SCRT2: variants seen among roughly 807,000 people sequenced by gnomAD.
The protein encoded by SCRT2 is scratch family transcriptional repressor 2, also known as transcriptional repressor scratch 2.
Under a neutral mutation model 3.7 loss-of-function variants are expected in SCRT2, and 2 were observed. The observed-to-expected ratio is 0.54, with a 90% confidence interval of 0.22 to 1.70. The LOEUF is 1.70. Ranked by LOEUF, SCRT2 falls within the 40% of genes most tolerant of loss-of-function variation. SCRT2 has a pLI of 0.19. For synonymous variants in SCRT2, 256 were observed against 220.6 expected (o/e 1.16, Z -1.42); for missense variants, 456 against 468.5 (o/e 0.97, Z 0.25).
rs1644807174 is a variant in SCRT2, at chr20:664,471, GC to G, written c.134-11del. ...CGGTGCGGGGCGTACCCTGGAGGGGGCGAGAAGTGGAGGGGCGGTGAGAGGA... is the reference window on the plus strand; with the variant it reads ...CGGTGCGGGGCGTACCCTGGAGGGGGGAGAAGTGGAGGGGCGGTGAGAGGA... On this transcript the variant is annotated splice_polypyrimidine_tract_variant and intron_variant, in intron 1 of 1. Transcript: ENST00000246104. This position sits in a 1 kb window ranked among gnomAD's most constrained non-coding sequence, Gnocchi z 7.9. The G allele has an allele frequency of 8.0e-7, 1 of 1,246,104 alleles. No individual in the cohort carries two copies. The highest frequency in any genetic ancestry group is 1.5e-5 in the African/African-American group (1 of 64,688). 77.2% of individuals were successfully genotyped at this position (1,246,104 alleles called of 1,614,324 possible).
At chr20:671,191 A>G (rs1984320125) in intron 1 of SCRT2, among the ~76,000 whole-genome samples, 1 of 152,212 alleles carries the variant, frequency 6.6e-6, no homozygotes, top group African/African-American at 2.4e-5. Context: ...GAAATTGGAC[A>G]TGGATTTGTC....
intron 1 of SCRT2, among the ~76,000 whole-genome samples, chr20:672,661 A>G (rs540404557): frequency 1.5e-4 from 23 of 150,524 alleles, no homozygotes; most frequent in African/African-American, 4.9e-4. Context: ...AGCTGCAGGA[A>G]TGGCTTGTAA....
intron 1 of SCRT2, among the ~76,000 whole-genome samples, chr20:669,574 C>T (rs554682054): frequency 7.2e-5 from 11 of 152,290 alleles, no homozygotes; most frequent in African/African-American, 1.7e-4. Flanking sequence ...GCTTCCCCGG[C>T]GGCCCACTTT....
chr20:672,317 C>A (rs1984359510), intron 1 of SCRT2, among the ~76,000 whole-genome samples: 1 of 152,036 alleles, frequency 6.6e-6, no homozygotes, highest in South Asian at 2.1e-4. Flanking sequence ...CACAGACAGA[C>A]TTGCTGCACC....
At chr20:669,236 A>G (rs567571958) in intron 1 of SCRT2, among the ~76,000 whole-genome samples, 37 of 152,300 alleles carry the variant, frequency 2.4e-4, no homozygotes, top group African/African-American at 8.4e-4. Flanking sequence ...AGTAATGCCT[A>G]TCACTTACTG....
In SCRT2 at chr20:662,168, G is replaced by A. The variant is rs1444205187; in HGVS notation, c.*1503C>T. On this transcript the variant is annotated 3_prime_UTR_variant, in exon 2 of 2. Coordinates refer to ENST00000246104, the MANE Select transcript of SCRT2 (RefSeq NM_033129.4). ...GGCTGGCAGCCCGGCCCCTCTGTCC[G>A]GGAGAGTTGCATAGACATGGCCGGG... 2.6e-5 allele frequency: 4 copies of A among 152,836 alleles called. No individual in the cohort carries two copies. Among genetic ancestry groups the A allele is most frequent in the Admixed American group, 2.6e-4 (4 of 15,292 alleles). The allele number at this position is 152,836 out of a possible 1,614,324, so 9.5% of individuals were successfully genotyped here. A position where few individuals can be genotyped will look rare whatever the true frequency, so the allele number is the denominator to read the frequency against.
Position 665,361 on chromosome 20 carries a change from G to A in SCRT2, c.134-900C>T, listed in dbSNP as rs1311926064. ...CCAGGGTTGCTGAAGCATTTAACAG[G>A]GGTCAAGTGTGTGGCATGTAATAGG... On this transcript the variant is annotated intron_variant, in intron 1 of 1. Coordinates refer to ENST00000246104, the MANE Select transcript of SCRT2 (RefSeq NM_033129.4). This position sits in a 1 kb window ranked among gnomAD's most constrained non-coding sequence, Gnocchi z 5.0. Among the ~76,000 whole-genome samples the A allele has an allele frequency of 6.6e-6, 1 of 152,174 alleles. No homozygotes were observed. The highest frequency in any genetic ancestry group is 1.5e-5 in the Non-Finnish European group (1 of 68,038).
Position 675,604 on chromosome 20 carries a change from CGCGGCCGGCGCGGGGCTCGGTGCGGGGAG to C in SCRT2, c.-32_-4del. 1 of 1,292,122 alleles carries C rather than the reference CGCGGCCGGCGCGGGGCTCGGTGCGGGGAG, an allele frequency of 7.7e-7. No homozygotes were observed. The highest frequency in any genetic ancestry group is 9.9e-7 in the Non-Finnish European group (1 of 1,013,638). The allele number at this position is 1,292,122 out of a possible 1,614,324, so 80.0% of individuals were successfully genotyped here. A position where few individuals can be genotyped will look rare whatever the true frequency, so the allele number is the denominator to read the frequency against. ...TTTACCAGGAAGGAGCGCGGCATGGCGCGGCCGGCGCGGGGCTCGGTGCGGGGAGGCGGCCGGCCGGGCGCGATCGGCTG... is the reference window on the plus strand; with the variant it reads ...TTTACCAGGAAGGAGCGCGGCATGGCGCGGCCGGCCGGGCGCGATCGGCTG... On this transcript the variant is annotated 5_prime_UTR_variant, in exon 1 of 2. Coordinates refer to ENST00000246104, the MANE Select transcript of SCRT2 (RefSeq NM_033129.4). This position sits in a 1 kb window ranked among gnomAD's most constrained non-coding sequence, Gnocchi z 6.9.
At position 663,565 on chromosome 20, in the gene SCRT2, T is replaced by C. The variant is rs1000949717; in HGVS notation, c.*106A>G. ...GCCGGGGGTCCCCACGAGAGGGTCA[T>C]GGGCAGGGAAACGCAGCCGGGGCTG... is the stretch of plus-strand genomic sequence containing the variant. On this transcript the variant is annotated 3_prime_UTR_variant, in exon 2 of 2. Coordinates refer to ENST00000246104, the MANE Select transcript of SCRT2 (RefSeq NM_033129.4). The surrounding 1 kb of genome is among the most constrained non-coding windows in gnomAD (Gnocchi z 6.9). 17 of 1,106,808 alleles carry C rather than the reference T, an allele frequency of 1.5e-5. No homozygotes were observed. In the Admixed American group the frequency reaches 2.6e-4, roughly 17 times the overall value. 68.6% of individuals were successfully genotyped at this position (1,106,808 alleles called of 1,614,324 possible).
In SCRT2 at chr20:663,956, C is replaced by G. The variant is rs767751022; in HGVS notation, c.639G>C (p.Lys213Asn). 8.7e-6 allele frequency: 14 copies of G among 1,610,088 alleles called. No homozygotes were observed. Among genetic ancestry groups the G allele is most frequent in the Non-Finnish European group, 1.2e-5 (14 of 1,179,568 alleles). ...MHLLTHNLRH[K>N]CGVCGKAFSR... ...AGAAGGCCTTGCCGCAGACGCCGCACTTGTGGCGCAGGTTGTGCGTGAGCA... is the reference window on the plus strand; with the variant it reads ...AGAAGGCCTTGCCGCAGACGCCGCAGTTGTGGCGCAGGTTGTGCGTGAGCA... Residue 213 changes from lysine (K) to asparagine (N), a missense_variant, in exon 2 of 2, where the codon AAG (lysine) becomes AAC (asparagine). Physicochemically the swap from Lys to Asn is moderately conservative, Grantham distance 94. Transcript: ENST00000246104. This position sits in a 1 kb window ranked among gnomAD's most constrained non-coding sequence, Gnocchi z 6.9.
rs1162844478 is a variant in SCRT2, at chr20:666,713, G to A, written c.134-2252C>T. Among the ~76,000 whole-genome samples the A allele has an allele frequency of 1.3e-5, 2 of 152,212 alleles. No homozygotes were observed. Among genetic ancestry groups the A allele is most frequent in the Admixed American group, 6.5e-5 (1 of 15,284 alleles). ...GCCCTAGCTAGTGGGCACTTAATAA[G>A]TATTTGTGGAATGAGTGATGATGAT... On this transcript the variant is annotated intron_variant, in intron 1 of 1. Transcript: ENST00000246104. The surrounding 1 kb of genome is among the most constrained non-coding windows in gnomAD (Gnocchi z 4.4).
intron 1 of SCRT2, among the ~76,000 whole-genome samples, chr20:674,688 A>AGT (rs759385819): frequency 0.12 from 14,828 of 128,668 alleles, 858 homozygotes; most frequent in East Asian, 0.23. Flanking sequence ...GAAGAGATGG[A>AGT]GTGTGTGTGT....
Position 675,618 on chromosome 20 carries a change from G to A in SCRT2, c.-17C>T. Reference sequence around the variant, plus strand: ...GCGCGGCATGGCGCGGCCGGCGCGGGGCTCGGTGCGGGGAGGCGGCCGGCC... The same window carrying A: ...GCGCGGCATGGCGCGGCCGGCGCGGAGCTCGGTGCGGGGAGGCGGCCGGCC... On this transcript the variant is annotated 5_prime_UTR_variant, in exon 1 of 2. Transcript: ENST00000246104. This position sits in a 1 kb window ranked among gnomAD's most constrained non-coding sequence, Gnocchi z 6.9. 1.6e-6 allele frequency: 2 copies of A among 1,280,706 alleles called. No homozygotes were observed. Among genetic ancestry groups the A allele is most frequent in the Non-Finnish European group, 9.9e-7 (1 of 1,007,306 alleles). 79.3% of individuals were successfully genotyped at this position (1,280,706 alleles called of 1,614,324 possible).
rs1027482482 is a variant in SCRT2, at chr20:665,957, G to A, written c.134-1496C>T. 9.2e-5 allele frequency among the ~76,000 whole-genome samples: 14 copies of A among 152,184 alleles called. No homozygotes were observed. The highest frequency in any genetic ancestry group is 1.9e-4 in the African/African-American group (8 of 41,440). On this transcript the variant is annotated intron_variant, in intron 1 of 1. Coordinates refer to ENST00000246104, the MANE Select transcript of SCRT2 (RefSeq NM_033129.4). This position sits in a 1 kb window ranked among gnomAD's most constrained non-coding sequence, Gnocchi z 5.0. ...TAGCTGGGTACTCTGGTCAGCTTTC[G>A]TTTCCCACACAGCCTGGCTGATTCA...
At chr20:674,445 C>A (rs976620780) in intron 1 of SCRT2, among the ~76,000 whole-genome samples, 3 of 135,770 alleles carry the variant, frequency 2.2e-5, no homozygotes, top group African/African-American at 8.4e-5. Context: ...ACACACAACC[C>A]AAAGCTGCCA....
Position 664,465 on chromosome 20 carries a change from G to C in SCRT2, c.134-4C>G. ...GGCAGGCGGTGCGGGGCGTACCCTG[G>C]AGGGGGCGAGAAGTGGAGGGGCGGT... On this transcript the variant is annotated splice_region_variant and splice_polypyrimidine_tract_variant and intron_variant, in intron 1 of 1. Coordinates refer to ENST00000246104, the MANE Select transcript of SCRT2 (RefSeq NM_033129.4). This position sits in a 1 kb window ranked among gnomAD's most constrained non-coding sequence, Gnocchi z 7.9. 1 of 1,252,738 alleles carries C rather than the reference G, an allele frequency of 8.0e-7. No homozygotes were observed. The highest frequency in any genetic ancestry group is 1.0e-6 in the Non-Finnish European group (1 of 996,560). 77.6% of individuals were successfully genotyped at this position (1,252,738 alleles called of 1,614,324 possible). A position where few individuals can be genotyped will look rare whatever the true frequency, so the allele number is the denominator to read the frequency against.
chr20:663,840 C>T lies in SCRT2; in HGVS notation c.755G>A (p.Arg252His). 1 of 1,597,702 alleles carries T rather than the reference C, an allele frequency of 6.3e-7. No homozygotes were observed. The highest frequency in any genetic ancestry group is 8.5e-7 in the Non-Finnish European group (1 of 1,174,504). Residue 252 changes from arginine (R) to histidine (H), a missense_variant, in exon 2 of 2, where the codon CGC becomes CAC. Transcript: ENST00000246104. The surrounding 1 kb of genome is among the most constrained non-coding windows in gnomAD (Gnocchi z 6.9). ...CAHCGKAFAD[R>H]SNLRAHMQTH... ...CTGCATGTGCGCGCGCAGGTTGGAGCGGTCGGCGAAGGCCTTGCCGCAGTG... is the reference window on the plus strand; with the variant it reads ...CTGCATGTGCGCGCGCAGGTTGGAGTGGTCGGCGAAGGCCTTGCCGCAGTG...
chr20:674,190 ACT>A (rs533618417), intron 1 of SCRT2, among the ~76,000 whole-genome samples: 3 of 149,780 alleles, frequency 2.0e-5, no homozygotes, highest in African/African-American at 2.5e-5. Context: ...TTTGCCCAGC[ACT>A]CTCTCTCTCT....
At chr20:669,858 C>T (rs1451950262) in intron 1 of SCRT2, among the ~76,000 whole-genome samples, 1 of 152,198 alleles carries the variant, frequency 6.6e-6, no homozygotes, top group Non-Finnish European at 1.5e-5. Flanking sequence ...GAAATGACAC[C>T]CACCTCCTCC....
Sources: gnomAD v4.1 joint callset for allele counts (sites outside exome capture counted in the v4.1 genomes callset) on GRCh38, gnomAD v4.1.1 for gene constraint, Gnocchi (gnomAD v3.1) non-coding constraint, MANE v1.5 for transcripts, NCBI Gene and HGNC (gene_info 2026-07-23, HGNC 2026-07-21) for gene names.